MAP2K4: variants seen among roughly 807,000 people sequenced by gnomAD.
MAP2K4 encodes dual specificity mitogen-activated protein kinase kinase 4.
A neutral mutation model predicts 48.5 loss-of-function variants in MAP2K4; 4 were observed. The observed-to-expected ratio is 0.08, with a 90% CI of 0.04 to 0.19. The LOEUF (loss-of-function observed/expected upper bound fraction) is 0.19. Among genes scored for constraint, MAP2K4 ranks in the 10% least tolerant of loss-of-function variants. MAP2K4 has a pLI of 1.00. For missense variants in MAP2K4, 258 were observed against 493.3 expected (o/e 0.52, Z 4.52); for synonymous variants, 166 against 173.1 (o/e 0.96, Z 0.32).
intron 8 of MAP2K4, among the ~76,000 whole-genome samples, chr17:12,126,626 C>T (rs1320419824): frequency 6.6e-6 from 1 of 152,218 alleles, no homozygotes; most frequent in Non-Finnish European, 1.5e-5. Context: ...ACCCTCGTGA[C>T]CCCATCACTT....
At chr17:12,084,518 A>C (rs996629245) in intron 3 of MAP2K4, among the ~76,000 whole-genome samples, 3 of 152,144 alleles carry the variant, frequency 2.0e-5, no homozygotes, top group African/African-American at 7.2e-5. Flanking sequence ...ACAACCTTCA[A>C]CTCTTACCAG....
intron 2 of MAP2K4, among the ~76,000 whole-genome samples, chr17:12,061,412 A>G (rs1208659172): frequency 1.3e-5 from 2 of 152,320 alleles, no homozygotes; most frequent in Non-Finnish European, 2.9e-5. Context: ...TAAGTCAGCA[A>G]TTCACTGGAG....
chr17:12,032,029 G>A (rs1969456138), intron 1 of MAP2K4, among the ~76,000 whole-genome samples: 2 of 152,010 alleles, frequency 1.3e-5, no homozygotes, highest in Non-Finnish European at 1.5e-5. Flanking sequence ...TAAAGATTAA[G>A]ACTGCAACAC....
intron 1 of MAP2K4, among the ~76,000 whole-genome samples, chr17:12,041,599 G>A (rs184955822): frequency 1.1e-4 from 17 of 152,092 alleles, no homozygotes; most frequent in African/African-American, 4.1e-4. Flanking sequence ...AAAAGCTTCT[G>A]GTAACTTTTT....
At chr17:12,042,482 C>CA (rs1230088689) in intron 1 of MAP2K4, among the ~76,000 whole-genome samples, 2 of 151,600 alleles carry the variant, frequency 1.3e-5, no homozygotes, top group African/African-American at 2.4e-5. Context: ...CCCTTCTCTA[C>CA]AAAAAAATAC....
chr17:12,139,892 T>G lies in MAP2K4; in HGVS notation c.1086+8T>G. On this transcript the variant is annotated splice_region_variant and intron_variant, in intron 10 of 10. Coordinates refer to ENST00000353533, the MANE Select transcript of MAP2K4 (RefSeq NM_003010.4). ...AAGTATAAAGAGCTTCTGGTGAGTG[T>G]GGGACTGTGGGGATTGTAGGTACAT... 1 of 1,587,800 alleles carries G rather than the reference T, an allele frequency of 6.3e-7. No homozygotes were observed. The highest frequency in any genetic ancestry group is 8.6e-7 in the Non-Finnish European group (1 of 1,164,748).
intron 7 of MAP2K4, among the ~76,000 whole-genome samples, chr17:12,120,890 C>T (rs925616263): frequency 1.3e-5 from 2 of 152,212 alleles, no homozygotes; most frequent in African/African-American, 4.8e-5. Flanking sequence ...GTTGTAGCTG[C>T]TGTTTAACAG....
intron 9 of MAP2K4, among the ~76,000 whole-genome samples, chr17:12,132,513 A>AT (rs1973061137): frequency 1.3e-5 from 2 of 152,162 alleles, no homozygotes; most frequent in South Asian, 4.1e-4. Flanking sequence ...AAAGCAAACA[A>AT]TATAAGGTAT....
intron 4 of MAP2K4, among the ~76,000 whole-genome samples, chr17:12,097,534 A>G (rs1424506993): frequency 6.6e-6 from 1 of 152,214 alleles, no homozygotes; most frequent in Non-Finnish European, 1.5e-5. Context: ...CAATATTCCC[A>G]TGGTTTTGTT....
At chr17:12,114,883 G>A (rs1456587236) in intron 7 of MAP2K4, among the ~76,000 whole-genome samples, 1 of 152,168 alleles carries the variant, frequency 6.6e-6, no homozygotes, top group South Asian at 2.1e-4. Flanking sequence ...TAAGACTTCT[G>A]TTTTCTTGCT....
chr17:12,070,753 A>G (rs34574319), intron 2 of MAP2K4, among the ~76,000 whole-genome samples: 5,270 of 152,298 alleles, frequency 0.035, 127 homozygotes, highest in Non-Finnish European at 0.052. Flanking sequence ...ATCTGGCTGC[A>G]TAGTTGCAGG....
At chr17:12,125,123 G>T in intron 7 of MAP2K4, 171 bp from the exon 8 acceptor site, 2 of 583,222 alleles carry the variant, frequency 3.4e-6, no homozygotes, top group African/African-American at 1.9e-5. Flanking sequence ...TAAGTTTTTT[G>T]TTGTTTGTTT....
intron 5 of MAP2K4, among the ~76,000 whole-genome samples, chr17:12,109,405 A>G (rs540508193): frequency 1.3e-5 from 2 of 152,314 alleles, no homozygotes; most frequent in South Asian, 4.1e-4. Flanking sequence ...CTAATTAATA[A>G]ACCAGCAAAC....
chr17:12,055,330 A>C (rs2151526589), intron 2 of MAP2K4, among the ~76,000 whole-genome samples: 1 of 152,250 alleles, frequency 6.6e-6, no homozygotes, highest in Non-Finnish European at 1.5e-5. Context: ...TCATTTACTG[A>C]ATTTTTAAAC....
rs528363391 is a variant in MAP2K4, at chr17:12,048,128, A to G, written c.116-6761A>G. On this transcript the variant is annotated intron_variant, in intron 1 of 10. Coordinates refer to ENST00000353533, the MANE Select transcript of MAP2K4 (RefSeq NM_003010.4). ...AACGATCCTTTTGCTTTGGCCTCCC[A>G]AAGTGCTGGGATTACAGGCATGAGT... Among the ~76,000 whole-genome samples the G allele has an allele frequency of 1.1e-3, 168 of 152,292 alleles. 1 individual carries two copies. The highest frequency in any genetic ancestry group is 3.9e-3 in the African/African-American group (164 of 41,562).
chr17:12,072,965 C>T (rs1970869110), intron 2 of MAP2K4, among the ~76,000 whole-genome samples: 1 of 152,070 alleles, frequency 6.6e-6, no homozygotes. Context: ...TTTTAATTTG[C>T]TTTAAGAACT....
At chr17:12,074,628 A>G (rs1453162126) in intron 2 of MAP2K4, among the ~76,000 whole-genome samples, 5 of 152,076 alleles carry the variant, frequency 3.3e-5, no homozygotes, top group African/African-American at 1.2e-4. Flanking sequence ...GTTCCTCACA[A>G]TCATCCGCTG....
chr17:12,130,229 A>G (rs1972980152), intron 9 of MAP2K4, among the ~76,000 whole-genome samples: 1 of 152,154 alleles, frequency 6.6e-6, no homozygotes, highest in Non-Finnish European at 1.5e-5. Context: ...ATAGTTTTTA[A>G]GTCTCTTTCA....
intron 1 of MAP2K4, among the ~76,000 whole-genome samples, chr17:12,049,547 A>C (rs1970069773): frequency 6.6e-6 from 1 of 152,198 alleles, no homozygotes; most frequent in Non-Finnish European, 1.5e-5. Context: ...TGTATTTAGT[A>C]GGTCTATTAG....
Sources: gnomAD v4.1 joint callset for allele counts (sites outside exome capture counted in the v4.1 genomes callset) on GRCh38, gnomAD v4.1.1 for gene constraint, MANE v1.5 for transcripts, NCBI Gene and HGNC (gene_info 2026-07-23, HGNC 2026-07-21) for gene names.